HMCN1: variants seen among roughly 807,000 people sequenced by gnomAD.
HMCN1 encodes hemicentin 1, also known as hemicentin-1.
HMCN1 carries 321 observed loss-of-function variants against 625.9 expected under a neutral mutation model. The ratio of observed to expected loss-of-function variants is 0.51; its 90% CI spans 0.47 to 0.56. HMCN1 has a LOEUF of 0.56. Among genes scored for constraint, HMCN1 ranks in the 20% least tolerant of loss-of-function variants. HMCN1 has a pLI of 0.00. For synonymous variants in HMCN1, 2,425 were observed against 2,417.6 expected, an observed-to-expected ratio of 1.00 and a Z score of -0.09; for missense variants, 6,588 against 6,887.3, an observed-to-expected ratio of 0.96 and a Z score of 1.54.
Position 186,090,920 on chromosome 1 carries a change from A to G in HMCN1, c.9887+3A>G. ...AGTGGTGAAACAGAAAGAATCCGGT[A>G]TGTTTAAAAATAATCTTTCCATTAT... On this transcript the variant is annotated splice_donor_region_variant and intron_variant, in intron 64 of 106. Transcript: ENST00000271588. The G allele has an allele frequency of 1.2e-6, 2 of 1,611,000 alleles. No homozygotes were observed. Among genetic ancestry groups the G allele is most frequent in the Non-Finnish European group, 1.7e-6 (2 of 1,177,702 alleles).
chr1:185,927,462 C>T (rs1010776795), intron 9 of HMCN1, among the ~76,000 whole-genome samples: 1 of 152,202 alleles, frequency 6.6e-6, no homozygotes, highest in African/African-American at 2.4e-5. Context: ...TTCTCAGCTA[C>T]TAAAACATAT....
Position 186,088,707 on chromosome 1 carries a change from T to A in HMCN1, c.9679T>A (p.Ser3227Thr). 6.2e-7 allele frequency: 1 copy of A among 1,611,320 alleles called. No individual in the cohort carries two copies. The highest frequency in any genetic ancestry group is 8.5e-7 in the Non-Finnish European group (1 of 1,178,322). ...SDSGNYTCIA[S>T]NMEGKAQKYY... ...TAGTGGAAACTATACATGTATTGCT[T>A]CAAATATGGAGGGAAAAGCCCAGAA... The change falls in exon 63 of 107, where the codon TCA becomes ACA. Residue 3227 changes from serine to threonine, a missense_variant. Coordinates refer to ENST00000271588, the MANE Select transcript of HMCN1 (RefSeq NM_031935.3).
intron 98 of HMCN1, 54 bp from the exon 99 acceptor site, chr1:186,166,130 C>G: frequency 6.2e-7 from 1 of 1,606,704 alleles, no homozygotes; most frequent in African/African-American, 1.3e-5. Context: ...TTAATAACTC[C>G]CAGAAAGTAA....
intron 91 of HMCN1, 30 bp downstream of exon 91, chr1:186,144,733 A>G (rs1383442838): frequency 1.9e-6 from 3 of 1,611,048 alleles, no homozygotes; most frequent in Middle Eastern, 1.7e-4. Flanking sequence ...AGTCAACATT[A>G]TACTTTCATA....
chr1:186,151,691 T>C lies in HMCN1; in HGVS notation c.14844T>C (p.Phe4948=). 1.9e-6 allele frequency: 3 copies of C among 1,613,776 alleles called. No homozygotes were observed. The highest frequency in any genetic ancestry group is 2.5e-6 in the Non-Finnish European group (3 of 1,179,730). ...AAATAGGAGAAGCAGTCAATGGCTT[T>C]ACCCTCACCAATGCAGTCTTCAAAA... ...AKEIGEAVNG[F]TLTNAVFKRE... The change falls in exon 95 of 107, where the codon TTT becomes TTC. Residue 4948 remains phenylalanine (F), a synonymous_variant. Transcript: ENST00000271588.
chr1:185,967,362 T>C (rs1021659995), intron 14 of HMCN1, among the ~76,000 whole-genome samples: 3 of 152,120 alleles, frequency 2.0e-5, no homozygotes, highest in Non-Finnish European at 2.9e-5. Flanking sequence ...AGGTACCCAC[T>C]ACATGAGAGA....
chr1:185,989,708 T>A (rs1461809199), intron 21 of HMCN1, 61 bp downstream of exon 21: 2 of 1,530,468 alleles, frequency 1.3e-6, no homozygotes, highest in Non-Finnish European at 1.8e-6. Flanking sequence ...AAACTCACAG[T>A]TCTTTCCCCA....
chr1:185,817,715 A>G (rs1659929491), intron 1 of HMCN1, among the ~76,000 whole-genome samples: 1 of 152,172 alleles, frequency 6.6e-6, no homozygotes. Flanking sequence ...TATCTCCAAT[A>G]TATTTATTAA....
At chr1:185,774,948 G>A (rs1266748203) in intron 1 of HMCN1, among the ~76,000 whole-genome samples, 1 of 152,044 alleles carries the variant, frequency 6.6e-6, no homozygotes, top group Non-Finnish European at 1.5e-5. Context: ...AGAGTGATGT[G>A]GGATAAAGTA....
chr1:185,977,354 G>C (rs1346982606), intron 15 of HMCN1, among the ~76,000 whole-genome samples: 1 of 151,982 alleles, frequency 6.6e-6, no homozygotes, highest in Non-Finnish European at 1.5e-5. Context: ...AATGAACTCT[G>C]GTATAAATTA....
chr1:186,076,427 G>A lies in HMCN1; in HGVS notation c.8291-1G>A. The stretch of plus-strand genomic sequence containing the variant: ...CAACATTTAATGCCTTTCCTCCATA[G>A]TTCCTCCAAGTTTTCAGAAACTCTG... On this transcript the variant is annotated splice_acceptor_variant, in intron 53 of 106. Transcript: ENST00000271588. LOFTEE classifies it high-confidence loss of function. The A allele has an allele frequency of 6.2e-7, 1 of 1,613,048 alleles. No individual in the cohort carries two copies. Among genetic ancestry groups the A allele is most frequent in the Non-Finnish European group, 8.5e-7 (1 of 1,179,466 alleles).
intron 71 of HMCN1, among the ~76,000 whole-genome samples, 170 bp from the exon 72 acceptor site, chr1:186,112,642 A>G (rs1660943518): frequency 6.6e-6 from 1 of 152,222 alleles, no homozygotes; most frequent in African/African-American, 2.4e-5. Context: ...TCACTCATTA[A>G]AACAGTTCCC....
intron 93 of HMCN1, among the ~76,000 whole-genome samples, chr1:186,148,719 C>G (rs545474562): frequency 6.0e-4 from 92 of 152,134 alleles, no homozygotes; most frequent in African/African-American, 2.1e-3. Context: ...GTTGGCCAGG[C>G]TGGTCTTGAA....
intron 11 of HMCN1, among the ~76,000 whole-genome samples, chr1:185,962,138 A>G (rs1367335737): frequency 6.6e-6 from 1 of 152,202 alleles, no homozygotes; most frequent in Non-Finnish European, 1.5e-5. Context: ...TGTGGCTCCA[A>G]TCCTACATTC....
At chr1:185,857,861 A>T (rs886683042) in intron 2 of HMCN1, among the ~76,000 whole-genome samples, 1 of 152,242 alleles carries the variant, frequency 6.6e-6, no homozygotes, top group Admixed American at 6.5e-5. Context: ...AATATAAATT[A>T]TAATACATCT....
intron 71 of HMCN1, among the ~76,000 whole-genome samples, chr1:186,111,066 C>T (rs989921148): frequency 3.5e-5 from 5 of 142,948 alleles, no homozygotes; most frequent in Non-Finnish European, 4.5e-5. Flanking sequence ...CTGCAAGCTC[C>T]GCCTCCTGGG....
chr1:186,117,622 A>G lies in HMCN1; in HGVS notation c.11847A>G (p.Ser3949=). Residue 3949 remains serine, a splice_region_variant and synonymous_variant, in exon 77 of 107, where the codon TCA becomes TCG. Transcript: ENST00000271588. The stretch of plus-strand genomic sequence containing the variant: ...GAGATGGCTATAGAATTCTGTCCTC[A>G]GGTAAGACCAAGCTCAGTGATTTCA... ...PRGDGYRILS[S]GAIEILATQL... 6.2e-7 allele frequency: 1 copy of G among 1,613,262 alleles called. No individual in the cohort carries two copies. Among genetic ancestry groups the G allele is most frequent in the Non-Finnish European group, 8.5e-7 (1 of 1,179,260 alleles).
chr1:186,064,951 T>C (rs1658011032), intron 48 of HMCN1, among the ~76,000 whole-genome samples: 1 of 152,148 alleles, frequency 6.6e-6, no homozygotes, highest in Admixed American at 6.6e-5. Flanking sequence ...AGTATAAATT[T>C]AGTTATTTAG....
At chr1:185,749,934 G>T (rs1654681444) in intron 1 of HMCN1, among the ~76,000 whole-genome samples, 1 of 152,038 alleles carries the variant, frequency 6.6e-6, no homozygotes, top group Non-Finnish European at 1.5e-5. Context: ...TCCTTGATTC[G>T]CATGGCTGGC....
Sources: allele counts gnomAD v4.1 joint callset (sites outside exome capture counted in the v4.1 genomes callset), GRCh38; gene constraint gnomAD v4.1.1; transcripts MANE v1.5; gene names NCBI Gene and HGNC (gene_info 2026-07-23, HGNC 2026-07-21).